Variants in SSPN observed in about 807,000 individuals in gnomAD.
SSPN encodes the protein sarcospan.
SSPN carries 15 observed loss-of-function variants against 19.1 expected under a neutral mutation model. The observed-to-expected ratio is 0.78, with a 90% CI of 0.52 to 1.21. SSPN has a LOEUF of 1.21. SSPN is among the 50% of genes most tolerant of loss of function. SSPN has a pLI of 0.00. For synonymous variants in SSPN, 147 were observed against 140.3 expected (o/e 1.05, Z -0.34); for missense variants, 291 against 314.0 (o/e 0.93, Z 0.55).
At chr12:26,223,168 C>T (rs753271020) in intron 1 of SSPN, among the ~76,000 whole-genome samples, 29 of 152,170 alleles carry the variant, frequency 1.9e-4, no homozygotes, top group Non-Finnish European at 3.8e-4. Context: ...TTACTAAATC[C>T]ATCCCGTATC....
intron 2 of SSPN, among the ~76,000 whole-genome samples, chr12:26,224,772 G>A (rs1054290731): frequency 2.0e-5 from 3 of 146,908 alleles, no homozygotes; most frequent in African/African-American, 7.3e-5. Context: ...TTGTAGGTGG[G>A]ATCACTGAGA....
intron 1 of SSPN, among the ~76,000 whole-genome samples, chr12:26,163,821 A>G (rs1043583881): frequency 2.0e-5 from 3 of 152,246 alleles, no homozygotes; most frequent in African/African-American, 7.2e-5. Flanking sequence ...GTTATATCTT[A>G]TATAATTTAG....
At chr12:26,132,258 A>G (rs1164917174) in intron 1 of SSPN, among the ~76,000 whole-genome samples, 2 of 152,228 alleles carry the variant, frequency 1.3e-5, no homozygotes, top group Non-Finnish European at 1.5e-5. Flanking sequence ...TCCAATCCTC[A>G]TCCACTGAAT....
intron 1 of SSPN, among the ~76,000 whole-genome samples, chr12:26,172,849 A>ATC (rs758707141): frequency 8.7e-5 from 13 of 149,590 alleles, no homozygotes; most frequent in South Asian, 4.2e-4. Context: ...TTCTTTACAG[A>ATC]TCTCTCTCTC....
At chr12:26,126,332 C>G (rs1029172070) in intron 1 of SSPN, 2 of 152,218 alleles carry the variant, frequency 1.3e-5, no homozygotes, top group African/African-American at 4.8e-5. Context: ...ATATATATTT[C>G]TCTAGATATA....
chr12:26,137,089 T>C (rs1394860173), intron 1 of SSPN, among the ~76,000 whole-genome samples: 1 of 152,226 alleles, frequency 6.6e-6, no homozygotes, highest in Non-Finnish European at 1.5e-5. Flanking sequence ...CATGCTCTCT[T>C]TTACTGTTTT....
At chr12:26,172,648 A>G (rs1944660464) in intron 1 of SSPN, among the ~76,000 whole-genome samples, 1 of 152,208 alleles carries the variant, frequency 6.6e-6, no homozygotes, top group South Asian at 2.1e-4. Context: ...CTCTACGCCA[A>G]GATTAATCTT....
Position 26,232,255 on chromosome 12 carries a change from T to C in SSPN, c.*1179T>C. On this transcript the variant is annotated 3_prime_UTR_variant, in exon 3 of 3. Coordinates refer to ENST00000242729, the MANE Select transcript of SSPN (RefSeq NM_005086.5). ...CAACCTAGGAAATCAAAATAATGTT[T>C]TGAAGTTCTTATTTGAGCAATATGG... 1.0e-6 allele frequency: 1 copy of C among 985,442 alleles called. No homozygotes were observed. Among genetic ancestry groups the C allele is most frequent in the Non-Finnish European group, 1.2e-6 (1 of 829,910 alleles). 61.0% of individuals were successfully genotyped at this position (985,442 alleles called of 1,614,324 possible). A position where few individuals can be genotyped will look rare whatever the true frequency, so the allele number is the denominator to read the frequency against.
At chr12:26,124,498 A>G (rs1944345031) in intron 1 of SSPN, 1 of 1,609,966 alleles carries the variant, frequency 6.2e-7, no homozygotes, top group Admixed American at 1.7e-5. Flanking sequence ...GTTATGAGGA[A>G]TATCGGGAAC....
intron 1 of SSPN, chr12:26,125,962 C>T (rs1002866959): frequency 1.3e-5 from 2 of 152,006 alleles, no homozygotes; most frequent in Admixed American, 1.3e-4. Context: ...ATAAGAGACG[C>T]CCGGAGTGTG....
rs77264715 is a variant in SSPN, at chr12:26,149,447, A to C, written c.-31+27295A>C. On this transcript the variant is annotated intron_variant, in intron 1 of 2. Coordinates refer to the SSPN transcript ENST00000538142. The stretch of plus-strand genomic sequence containing the variant: ...TATTTAGCTCACTTTATTTGGGGGC[A>C]AAAAATCAGCTTCAGAGCAGCCAAA... 3.3e-5 allele frequency among the ~76,000 whole-genome samples: 5 copies of C among 152,310 alleles called. No individual in the cohort carries two copies. The East Asian group carries it at 9.6e-4, about 29-fold the overall frequency.
intron 1 of SSPN, among the ~76,000 whole-genome samples, chr12:26,157,136 G>C (rs988668696): frequency 2.0e-5 from 3 of 152,162 alleles, no homozygotes; most frequent in Admixed American, 6.5e-5. Flanking sequence ...ATTCAGCTCC[G>C]TCTTGTTAGT....
chr12:26,218,408 C>T (rs1477684773), intron 1 of SSPN, among the ~76,000 whole-genome samples: 9 of 112,664 alleles, frequency 8.0e-5, no homozygotes, highest in Non-Finnish European at 1.2e-4. Context: ...TTAGTGGGTG[C>T]AGCGCACCAG....
intron 1 of SSPN, among the ~76,000 whole-genome samples, chr12:26,208,760 A>G (rs1175060238): frequency 1.3e-5 from 2 of 152,148 alleles, no homozygotes; most frequent in African/African-American, 4.8e-5. Flanking sequence ...TGAAGGGTCC[A>G]TACATTTTTT....
intron 1 of SSPN, among the ~76,000 whole-genome samples, chr12:26,156,300 A>C (rs1944555759): frequency 6.6e-6 from 1 of 152,230 alleles, no homozygotes; most frequent in African/African-American, 2.4e-5. Flanking sequence ...CGCTGTCTGC[A>C]GCGTTAGAAA....
upstream of SSPN, among the ~76,000 whole-genome samples, chr12:26,190,421 G>T (rs927474365): frequency 1.3e-5 from 2 of 152,244 alleles, no homozygotes; most frequent in Admixed American, 6.5e-5. Context: ...CTGGGAAGCA[G>T]ATCTTCCTGC....
intron 1 of SSPN, among the ~76,000 whole-genome samples, chr12:26,151,684 C>T (rs1944526350): frequency 6.6e-6 from 1 of 152,080 alleles, no homozygotes; most frequent in Admixed American, 6.6e-5. Flanking sequence ...CAAGACCTGA[C>T]CCTCAGCATG....
chr12:26,213,568 G>T (rs776380314), intron 1 of SSPN, among the ~76,000 whole-genome samples: 1 of 151,674 alleles, frequency 6.6e-6, no homozygotes, highest in African/African-American at 2.4e-5. Flanking sequence ...GTCCTTTCTC[G>T]GGGGCATTCA....
At chr12:26,198,063 A>T (rs757646998) in intron 1 of SSPN, among the ~76,000 whole-genome samples, 14 of 151,054 alleles carry the variant, frequency 9.3e-5, no homozygotes, top group Non-Finnish European at 1.9e-4. Flanking sequence ...GCTTTCAGGG[A>T]AGGGAAAAGA....
Sources: gnomAD v4.1 joint callset for allele counts (sites outside exome capture counted in the v4.1 genomes callset) on GRCh38, gnomAD v4.1.1 for gene constraint, MANE v1.5 for transcripts, NCBI Gene and HGNC (gene_info 2026-07-23, HGNC 2026-07-21) for gene names.